The following ZMYND12 variants were observed in gnomAD, a reference collection of about 807,000 sequenced individuals.
ZMYND12 encodes zinc finger MYND domain-containing protein 12.
Under a neutral mutation model 41.7 loss-of-function variants are expected in ZMYND12, and 32 were observed. The ratio of observed to expected loss-of-function variants is 0.77; its 90% confidence interval spans 0.58 to 1.03. ZMYND12 has a LOEUF of 1.03. Among genes scored for constraint, ZMYND12 ranks in the 50% least tolerant of loss-of-function variants. The pLI is 0.00. For synonymous variants in ZMYND12, 148 were observed against 164.8 expected (o/e 0.90, Z 0.78); for missense variants, 424 against 438.5 (o/e 0.97, Z 0.30).
chr1:42,435,226 G>A (rs1557766241), intron 6 of ZMYND12, 48 bp downstream of exon 6: 1 of 1,393,108 alleles, frequency 7.2e-7, no homozygotes, highest in East Asian at 2.3e-5. Context: ...TCTGTGTATT[G>A]GGTGAGATGA....
chr1:42,434,903 T>C (rs1201904169), intron 6 of ZMYND12, among the ~76,000 whole-genome samples: 1 of 152,092 alleles, frequency 6.6e-6, no homozygotes, highest in East Asian at 1.9e-4. Context: ...CCCCAGTCCA[T>C]GGAAAAATTG....
intron 3 of ZMYND12, among the ~76,000 whole-genome samples, chr1:42,442,320 G>T (rs1642979700): frequency 6.6e-6 from 1 of 152,138 alleles, no homozygotes; most frequent in South Asian, 2.1e-4. Context: ...ACGCTTAAGA[G>T]CCTGAAACAA....
chr1:42,435,592 T>C, intron 5 of ZMYND12: 1 of 491,788 alleles, frequency 2.0e-6, no homozygotes, highest in Non-Finnish European at 3.7e-6. Context: ...AAAGGGCCTG[T>C]GGCAGCTCAT....
intron 3 of ZMYND12, among the ~76,000 whole-genome samples, chr1:42,444,130 T>C (rs1209674076): frequency 6.6e-6 from 1 of 152,140 alleles, no homozygotes; most frequent in Non-Finnish European, 1.5e-5. Flanking sequence ...CCCGAAGTGC[T>C]GAAATTACAG....
intron 3 of ZMYND12, among the ~76,000 whole-genome samples, chr1:42,442,698 C>T (rs1435539628): frequency 1.3e-5 from 2 of 152,142 alleles, no homozygotes; most frequent in African/African-American, 4.8e-5. Context: ...CCCTCTGCTC[C>T]TCTGTGTCCT....
intron 3 of ZMYND12, among the ~76,000 whole-genome samples, chr1:42,440,916 C>A (rs1314151905): frequency 6.6e-6 from 1 of 152,118 alleles, no homozygotes; most frequent in Non-Finnish European, 1.5e-5. Flanking sequence ...GATCCACCCA[C>A]CTCGACCTCC....
chr1:42,444,939 T>C (rs1204543727), intron 3 of ZMYND12, among the ~76,000 whole-genome samples: 1 of 150,862 alleles, frequency 6.6e-6, no homozygotes, highest in Non-Finnish European at 1.5e-5. Flanking sequence ...TCCAGAGTAG[T>C]TGGGACTACA....
intron 4 of ZMYND12, among the ~76,000 whole-genome samples, chr1:42,437,956 G>A (rs997808115): frequency 3.3e-5 from 5 of 152,282 alleles, no homozygotes; most frequent in Admixed American, 1.3e-4. Flanking sequence ...GATTACAGGC[G>A]TGAGCCACTG....
At chr1:42,450,240 T>C (rs547396636) in intron 1 of ZMYND12, among the ~76,000 whole-genome samples, 181 bp from the exon 2 acceptor site, 2 of 152,350 alleles carry the variant, frequency 1.3e-5, no homozygotes, top group Non-Finnish European at 2.9e-5. Context: ...TTTGATGATG[T>C]ATAAACTGTG....
chr1:42,448,697 G>A (rs917233475), intron 2 of ZMYND12, 59 bp from the exon 3 acceptor site: 1 of 1,518,932 alleles, frequency 6.6e-7, no homozygotes, highest in African/African-American at 1.4e-5. Flanking sequence ...AAAGGTGGAT[G>A]TAGATGGCCC....
intron 3 of ZMYND12, among the ~76,000 whole-genome samples, chr1:42,443,189 T>G (rs1169240045): frequency 6.6e-6 from 1 of 152,088 alleles, no homozygotes; most frequent in Non-Finnish European, 1.5e-5. Flanking sequence ...CTTGGGAGAA[T>G]AAACTGTGAG....
chr1:42,455,284 C>A (rs139359120), intron 1 of ZMYND12, among the ~76,000 whole-genome samples: 1 of 152,194 alleles, frequency 6.6e-6, no homozygotes, highest in African/African-American at 2.4e-5. Context: ...CCACATACTG[C>A]CCCATTCACT....
In ZMYND12 at chr1:42,439,875, C is replaced by T. The variant is rs768929247; in HGVS notation, c.575G>A (p.Arg192His). Residue 192 changes from arginine (R) to histidine (H), a missense_variant, in exon 4 of 8, where the codon CGT (arginine) becomes CAT (histidine). By Grantham distance (29) the Arg-to-His change is conservative. Coordinates refer to ENST00000372565, the MANE Select transcript of ZMYND12 (RefSeq NM_032257.5). The stretch of plus-strand genomic sequence containing the variant: ...GTTTACATCATTGGCCAGATGATAA[C>T]GGGCCTCTTCATAGTTTTTCTTAGC... ...YIAKKNYEEA[R>H]YHLANDIYFA... The T allele has an allele frequency of 1.7e-5, 28 of 1,611,594 alleles. No individual in the cohort carries two copies. The highest frequency in any genetic ancestry group is 1.2e-4 in the African/African-American group (9 of 74,760).
chr1:42,452,583 A>G (rs1643093758), intron 1 of ZMYND12, among the ~76,000 whole-genome samples: 1 of 152,110 alleles, frequency 6.6e-6, no homozygotes, highest in African/African-American at 2.4e-5. Flanking sequence ...CATCCCTGTA[A>G]TCCCAGCTAC....
In ZMYND12 at chr1:42,436,431, A is replaced by C; in HGVS notation, c.707T>G (p.Leu236Trp). 1 of 1,613,346 alleles carries C rather than the reference A, an allele frequency of 6.2e-7. No individual in the cohort carries two copies. Among genetic ancestry groups the C allele is most frequent in the African/African-American group, 1.3e-5 (1 of 75,042 alleles). The change falls in exon 5 of 8, where the codon TTG (leucine) becomes TGG (tryptophan). Residue 236 changes from leucine to tryptophan, a missense_variant. Physicochemically the swap from Leu to Trp is moderately conservative, Grantham distance 61. Transcript: ENST00000372565. ...DLKKLDLADT[L>W]YTKVSEIWHA... The stretch of plus-strand genomic sequence containing the variant: ...CATTCCCCAGCTCACCTTGGTGTAC[A>C]ATGTGTCTGCCAGGTCCAACTTTTT...
intron 6 of ZMYND12, among the ~76,000 whole-genome samples, 185 bp from the exon 7 acceptor site, chr1:42,433,473 C>T (rs772069778): frequency 5.3e-5 from 8 of 152,142 alleles, no homozygotes; most frequent in African/African-American, 1.9e-4. Context: ...CAGGAAGCTC[C>T]GAAGCAGGAG....
At chr1:42,447,183 ATAAAG>A (rs1236056046) in intron 3 of ZMYND12, among the ~76,000 whole-genome samples, 1 of 152,210 alleles carries the variant, frequency 6.6e-6, no homozygotes, top group African/African-American at 2.4e-5. Flanking sequence ...CGCCATCCTA[ATAAAG>A]TAATTAAAAT....
intron 3 of ZMYND12, among the ~76,000 whole-genome samples, chr1:42,441,393 T>C (rs188548370): frequency 1.9e-3 from 293 of 152,320 alleles, no homozygotes; most frequent in African/African-American, 6.1e-3. Context: ...CCCCATCAGA[T>C]ACCTAAATAT....
In ZMYND12 at chr1:42,440,039, GAAA is replaced by G. The variant is rs779570134; in HGVS notation, c.425-17_425-15del. ...TTCGGCCCAGACCTGCCCAAAAGCA[GAAA>G]AGAAGGTTATAATTCATATCCAGGC... is the stretch of plus-strand genomic sequence containing the variant. On this transcript the variant is annotated splice_polypyrimidine_tract_variant and intron_variant, in intron 3 of 7. Coordinates refer to ENST00000372565, the MANE Select transcript of ZMYND12 (RefSeq NM_032257.5). The G allele has an allele frequency of 1.9e-6, 3 of 1,584,722 alleles. No individual in the cohort carries two copies. The highest frequency in any genetic ancestry group is 2.6e-6 in the Non-Finnish European group (3 of 1,169,402).
Sources: gnomAD v4.1 joint callset for allele counts (sites outside exome capture counted in the v4.1 genomes callset) on GRCh38, gnomAD v4.1.1 for gene constraint, MANE v1.5 for transcripts, NCBI Gene and HGNC (gene_info 2026-07-23, HGNC 2026-07-21) for gene names.